PDHA1: variants seen among roughly 807,000 people sequenced by gnomAD.
PDHA1 encodes the protein pyruvate dehydrogenase E1 subunit alpha 1.
A neutral mutation model predicts 33.0 loss-of-function variants in PDHA1; 1 was observed. That is an observed-to-expected ratio of 0.03 (90% CI 0.01 to 0.14). The LOEUF (loss-of-function observed/expected upper bound fraction) is 0.14, where lower values mean the gene tolerates loss of function less well. PDHA1 is among the 10% of genes least tolerant of loss of function. The pLI is 1.00. For synonymous variants in PDHA1, 123 were observed against 119.2 expected, an observed-to-expected ratio of 1.03 and a Z score of -0.21; for missense variants, 168 against 325.1, an observed-to-expected ratio of 0.52 and a Z score of 3.72.
At chrX:19,353,241 C>A in intron 5 of PDHA1, 68 bp downstream of exon 5, 1 of 840,667 alleles carries the variant, frequency 1.2e-6, no homozygotes, top group Non-Finnish European at 1.8e-6. Context: ...AAAACTTTCA[C>A]AGCCCCAGAC....
At chrX:19,359,420 G>A in intron 10 of PDHA1, 69 bp from the exon 11 acceptor site, 2 of 920,956 alleles carry the variant, frequency 2.2e-6, no homozygotes, top group South Asian at 3.9e-5. Context: ...CAGGTCCTCA[G>A]CAGAACTCTA....
At chrX:19,344,117 G>A (rs371902578) in intron 1 of PDHA1, 23 bp downstream of exon 1, 31 of 1,176,067 alleles carry the variant, frequency 2.6e-5, no homozygotes, top group African/African-American at 5.3e-5. Flanking sequence ...GGGCGGGCCG[G>A]GATGGGGCGC....
chrX:19,357,813 A>C, intron 9 of PDHA1, 94 bp downstream of exon 9: 1 of 679,095 alleles, frequency 1.5e-6, no homozygotes, highest in Non-Finnish European at 2.4e-6. Flanking sequence ...TTTTGGAGCT[A>C]GATACCAGTT....
rs2063259767 is a variant in PDHA1, at chrX:19,360,022, C to T, written c.*369C>T. On this transcript the variant is annotated 3_prime_UTR_variant, in exon 11 of 11. Transcript: ENST00000422285. ...CAACCATAGCACCCACCCCGAGCAG[C>T]GCTGGTGCTGCAGCCTGTTCGCGCT... 3 of 254,356 alleles carry T rather than the reference C, an allele frequency of 1.2e-5. No individual in the cohort carries two copies. The highest frequency in any genetic ancestry group is 5.8e-5 in the Admixed American group (1 of 17,118). 21.0% of individuals were successfully genotyped at this position (254,356 alleles called of 1,213,427 possible).
At chrX:19,355,287 T>C (rs1449517621) in intron 6 of PDHA1, 62 bp from the exon 7 acceptor site, 1 of 1,125,117 alleles carries the variant, frequency 8.9e-7, no homozygotes, top group Non-Finnish European at 1.2e-6. Context: ...GCAGCAGCTG[T>C]TAGAGATGAT....
intron 4 of PDHA1, among the ~76,000 whole-genome samples, chrX:19,352,222 CTCCT>C (rs1472557705): frequency 7.6e-5 from 7 of 92,238 alleles, no homozygotes; most frequent in African/African-American, 3.7e-4. Context: ...CCTCCTCCTC[CTCCT>C]TTTTTTTTTT....
At chrX:19,353,027 GTTTGC>G (rs2063173267) in intron 4 of PDHA1, 50 bp from the exon 5 acceptor site, 2 of 1,015,617 alleles carry the variant, frequency 2.0e-6, no homozygotes, top group African/African-American at 1.8e-5. Context: ...GTGCGGTTTG[GTTTGC>G]TTTGTAGAGT....
rs1005400592 is a variant in PDHA1, at chrX:19,360,965, C to A, written c.*1312C>A. ...ACATATGGAGGTGACGCTCGTGTCC[C>A]AGCAGTAGTAGGACATGGCCTTAGA... On this transcript the variant is annotated 3_prime_UTR_variant, in exon 11 of 11. Coordinates refer to ENST00000422285, the MANE Select transcript of PDHA1 (RefSeq NM_000284.4). 5 of 473,478 alleles carry A rather than the reference C, an allele frequency of 1.1e-5. No individual in the cohort carries two copies. The highest frequency in any genetic ancestry group is 1.8e-5 in the Non-Finnish European group (5 of 284,017). 39.0% of individuals were successfully genotyped at this position (473,478 alleles called of 1,213,427 possible). A position where few individuals can be genotyped will look rare whatever the true frequency, so the allele number is the denominator to read the frequency against.
rs2147190627 is a variant in PDHA1 at position 19,359,930 on chromosome X, T to TTTCCCCTGCCCCC, written c.*278_*290dup. ...GGAAGAACAATTCCTTGTATGCCTG[T>TTTCCCCTGCCCCC]TTCCCCTGCCCCCAGCCACCTTTTT... is the stretch of plus-strand genomic sequence containing the variant. On this transcript the variant is annotated 3_prime_UTR_variant, in exon 11 of 11. Coordinates refer to ENST00000422285, the MANE Select transcript of PDHA1 (RefSeq NM_000284.4). 1 of 343,991 alleles carries TTTCCCCTGCCCCC rather than the reference T, an allele frequency of 2.9e-6. No individual in the cohort carries two copies. The highest frequency in any genetic ancestry group is 3.4e-5 in the South Asian group (1 of 29,108). 28.3% of individuals were successfully genotyped at this position (343,991 alleles called of 1,213,427 possible).
At position 19,355,346 on chromosome X, in the gene PDHA1, C is replaced by T. The variant is rs749161367; in HGVS notation, c.604-3C>T. 1 of 1,211,395 alleles carries T rather than the reference C, an allele frequency of 8.3e-7. No homozygotes were observed. The highest frequency in any genetic ancestry group is 3.0e-5 in the East Asian group (1 of 33,852). ...TGAAACCCCTTTTCGTAACTACTTCCAGGGCCAGATATTCGAAGCTTACAA... is the reference window on the plus strand; with the variant it reads ...TGAAACCCCTTTTCGTAACTACTTCTAGGGCCAGATATTCGAAGCTTACAA... On this transcript the variant is annotated splice_region_variant and splice_polypyrimidine_tract_variant and intron_variant, in intron 6 of 10. Transcript: ENST00000422285.
chrX:19,359,380 G>C, intron 10 of PDHA1, 109 bp from the exon 11 acceptor site: 1 of 623,179 alleles, frequency 1.6e-6, no homozygotes, highest in Non-Finnish European at 2.7e-6. Context: ...GCAACTGTTC[G>C]TACTTGTAGT....
Position 19,361,694 on chromosome X carries a change from G to GA in PDHA1, c.*2046dup, listed in dbSNP as rs1288179542. 3.3e-5 allele frequency: 19 copies of GA among 570,280 alleles called. No individual in the cohort carries two copies. The highest frequency in any genetic ancestry group is 5.7e-6 in the Non-Finnish European group (2 of 351,590). The allele number at this position is 570,280 out of a possible 1,213,427, so 47.0% of individuals were successfully genotyped here. A position where few individuals can be genotyped will look rare whatever the true frequency, so the allele number is the denominator to read the frequency against. ...TGATTCCAGAATGTAAATGTGATGT[G>GA]AAAAAGAGATGAATTAACCCTGTAT... On this transcript the variant is annotated 3_prime_UTR_variant, in exon 11 of 11. Coordinates refer to ENST00000422285, the MANE Select transcript of PDHA1 (RefSeq NM_000284.4).
rs1244401639 is a variant in PDHA1 at position 19,359,511 on chromosome X, A to G, written c.1031A>G (p.Lys344Arg). The G allele has an allele frequency of 8.3e-7, 1 of 1,209,874 alleles. No homozygotes were observed. The highest frequency in any genetic ancestry group is 3.0e-5 in the East Asian group (1 of 33,841). The change falls in exon 11 of 11, where the codon AAG (lysine) becomes AGG (arginine). Residue 344 changes from lysine to arginine, a missense_variant. Lys to Arg is a conservative substitution (Grantham distance 26). Coordinates refer to ENST00000422285, the MANE Select transcript of PDHA1 (RefSeq NM_000284.4). The stretch of plus-strand genomic sequence containing the variant: ...TAGGAAATTGATGTGGAAGTGAGGA[A>G]GGAGATTGAGGATGCTGCCCAGTTT... ...ELKEIDVEVR[K>R]EIEDAAQFAT...
chrX:19,351,816 T>TTTTG (rs1177461799), intron 4 of PDHA1, among the ~76,000 whole-genome samples: 3 of 100,908 alleles, frequency 3.0e-5, no homozygotes, highest in African/African-American at 1.1e-4. Flanking sequence ...TTTTTTTTTT[T>TTTTG]GAGACTGTGT....
At chrX:19,356,293 A>G (rs142837473) in intron 8 of PDHA1, among the ~76,000 whole-genome samples, 2,110 of 111,372 alleles carry the variant, frequency 0.019, 62 homozygotes, top group African/African-American at 0.065. Flanking sequence ...CTTTGGCACT[A>G]GTATAGGCTT....
intron 5 of PDHA1, among the ~76,000 whole-genome samples, chrX:19,353,629 G>A (rs1440231132): frequency 3.6e-5 from 4 of 111,605 alleles, no homozygotes; most frequent in African/African-American, 1.3e-4. Context: ...TTGGGGGCTT[G>A]GTTTGCTTTT....
chrX:19,350,834 C>G (rs369919688), intron 3 of PDHA1, among the ~76,000 whole-genome samples: 5 of 111,655 alleles, frequency 4.5e-5, no homozygotes, highest in African/African-American at 1.6e-4. Context: ...GTGAAGAAGG[C>G]TAGGTATACA....
intron 9 of PDHA1, among the ~76,000 whole-genome samples, chrX:19,358,387 A>G (rs1393651815): frequency 1.8e-5 from 2 of 111,940 alleles, no homozygotes; most frequent in Non-Finnish European, 3.8e-5. Context: ...TTCAGATGAT[A>G]TAGGCATAAG....
intron 5 of PDHA1, among the ~76,000 whole-genome samples, chrX:19,353,601 A>G (rs180998793): frequency 9.0e-6 from 1 of 111,516 alleles, no homozygotes; most frequent in Admixed American, 9.6e-5. Flanking sequence ...CCCTGTTGTT[A>G]AGTGACGCGT....
Sources: gnomAD v4.1 joint callset for allele counts (sites outside exome capture counted in the v4.1 genomes callset) on GRCh38, gnomAD v4.1.1 for gene constraint, MANE v1.5 for transcripts, NCBI Gene and HGNC (gene_info 2026-07-23, HGNC 2026-07-21) for gene names.